Variants in CCBE1 observed in about 807,000 individuals in gnomAD.
CCBE1 encodes collagen and calcium binding EGF domains 1.
In CCBE1, 37 loss-of-function variants were observed where a neutral mutation model predicts 50.0. That is an observed-to-expected ratio of 0.74 (90% CI 0.57 to 0.97). The LOEUF (loss-of-function observed/expected upper bound fraction) is 0.97. Among genes scored for constraint, CCBE1 ranks in the 50% least tolerant of loss-of-function variants. The pLI, the probability that CCBE1 is intolerant of heterozygous loss-of-function variation, is 0.00. For missense variants in CCBE1, 538 were observed against 523.8 expected (o/e 1.03, Z -0.26); for synonymous variants, 234 against 203.7 (o/e 1.15, Z -1.27).
intron 2 of CCBE1, among the ~76,000 whole-genome samples, chr18:59,695,076 A>C (rs1009974238): frequency 1.4e-4 from 22 of 152,220 alleles, no homozygotes; most frequent in Non-Finnish European, 8.8e-5. Context: ...ACAAACAATC[A>C]GGCACCAAAT....
intron 6 of CCBE1, among the ~76,000 whole-genome samples, chr18:59,451,988 T>C (rs1167483931): frequency 1.3e-5 from 2 of 152,148 alleles, no homozygotes; most frequent in Non-Finnish European, 1.5e-5. Context: ...AATAATGTAT[T>C]ACCCACCTGT....
chr18:59,615,274 CTT>C (rs2053621812), intron 2 of CCBE1, among the ~76,000 whole-genome samples: 1 of 152,244 alleles, frequency 6.6e-6, no homozygotes, highest in African/African-American at 2.4e-5. Context: ...AGGGTCATCT[CTT>C]AGGATCTGCA....
chr18:59,552,484 C>G (rs1915965525), intron 2 of CCBE1, among the ~76,000 whole-genome samples: 1 of 152,196 alleles, frequency 6.6e-6, no homozygotes, highest in Admixed American at 6.5e-5. Flanking sequence ...TCCCACTAGC[C>G]TACATCTAGG....
intron 2 of CCBE1, among the ~76,000 whole-genome samples, chr18:59,670,688 C>G (rs530901669): frequency 6.6e-6 from 1 of 152,282 alleles, no homozygotes; most frequent in Non-Finnish European, 1.5e-5. Flanking sequence ...TGGCTCACAC[C>G]TGTAATCCCA....
intron 2 of CCBE1, among the ~76,000 whole-genome samples, chr18:59,579,909 A>G (rs138246075): frequency 2.6e-5 from 4 of 152,334 alleles, no homozygotes; most frequent in African/African-American, 9.6e-5. Context: ...GAGCACATGA[A>G]AAAAAAGATG....
chr18:59,679,861 C>T (rs534616568), intron 2 of CCBE1, among the ~76,000 whole-genome samples: 3 of 152,080 alleles, frequency 2.0e-5, no homozygotes, highest in South Asian at 2.1e-4. Context: ...TCTAGAAAGG[C>T]GGGACAACTT....
At chr18:59,601,024 T>G (rs965028437) in intron 2 of CCBE1, among the ~76,000 whole-genome samples, 15 of 81,796 alleles carry the variant, frequency 1.8e-4, no homozygotes, top group Non-Finnish European at 2.2e-4. Flanking sequence ...TTTTTTTTTT[T>G]TTTTTTTTTT....
chr18:59,522,191 G>A (rs1218703538), intron 2 of CCBE1, among the ~76,000 whole-genome samples: 1 of 151,438 alleles, frequency 6.6e-6, no homozygotes, highest in African/African-American at 2.4e-5. Flanking sequence ...TCCTTTAGTG[G>A]ACATTGTTTA....
At chr18:59,659,804 C>A (rs1205105569) in intron 2 of CCBE1, among the ~76,000 whole-genome samples, 2 of 152,164 alleles carry the variant, frequency 1.3e-5, no homozygotes, top group Non-Finnish European at 2.9e-5. Flanking sequence ...CAATGAGCTG[C>A]GTGATCAAAC....
chr18:59,600,762 T>TC (rs1159183872), intron 2 of CCBE1, among the ~76,000 whole-genome samples: 1 of 152,146 alleles, frequency 6.6e-6, no homozygotes, highest in Non-Finnish European at 1.5e-5. Flanking sequence ...TCTCAGCCAC[T>TC]CCCTCTCTTT....
At chr18:59,525,680 G>A (rs868630771) in intron 2 of CCBE1, among the ~76,000 whole-genome samples, 5 of 152,180 alleles carry the variant, frequency 3.3e-5, no homozygotes, top group African/African-American at 9.7e-5. Context: ...CCTATGTCCT[G>A]AATGGTATTG....
intron 2 of CCBE1, among the ~76,000 whole-genome samples, chr18:59,692,806 C>T (rs1029765397): frequency 5.3e-5 from 8 of 152,132 alleles, no homozygotes; most frequent in Non-Finnish European, 8.8e-5. Context: ...ACGGGCTGGA[C>T]AGATGAATAC....
At chr18:59,468,554 G>T (rs1311741378) in intron 4 of CCBE1, among the ~76,000 whole-genome samples, 2 of 152,096 alleles carry the variant, frequency 1.3e-5, no homozygotes, top group African/African-American at 4.8e-5. Context: ...TGGCATTGTG[G>T]GGCACCATTC....
chr18:59,644,740 C>T (rs958180917), intron 2 of CCBE1, among the ~76,000 whole-genome samples: 1 of 152,176 alleles, frequency 6.6e-6, no homozygotes, highest in African/African-American at 2.4e-5. Flanking sequence ...GTCACTAACT[C>T]CCAGCTTTTG....
intron 2 of CCBE1, among the ~76,000 whole-genome samples, chr18:59,551,385 T>A (rs1915925378): frequency 6.6e-6 from 1 of 152,200 alleles, no homozygotes; most frequent in South Asian, 2.1e-4. Context: ...AATCTCTGGA[T>A]GGGTGAGTGA....
chr18:59,500,422 G>A (rs1360610497), intron 2 of CCBE1, among the ~76,000 whole-genome samples: 8 of 152,200 alleles, frequency 5.3e-5, no homozygotes, highest in Non-Finnish European at 1.0e-4. Context: ...GCTTGTTGGT[G>A]TCTTTCTGCT....
At chr18:59,527,133 A>G (rs922943068) in intron 2 of CCBE1, among the ~76,000 whole-genome samples, 13 of 152,180 alleles carry the variant, frequency 8.5e-5, no homozygotes, top group African/African-American at 2.9e-4. Flanking sequence ...GTGTGGAAGT[A>G]TAAGTCTCCT....
chr18:59,662,482 G>A (rs1225553422), intron 2 of CCBE1, among the ~76,000 whole-genome samples: 4 of 152,180 alleles, frequency 2.6e-5, no homozygotes, highest in Admixed American at 2.6e-4. Context: ...CTCAATGCCA[G>A]CACCATGGTA....
At chr18:59,473,785 C>G (rs113953810) in intron 3 of CCBE1, among the ~76,000 whole-genome samples, 2 of 37,730 alleles carry the variant, frequency 5.3e-5, no homozygotes, top group African/African-American at 1.1e-4. Context: ...ATTTCCTCCC[C>G]ACTACTCATC....
Sources: gnomAD v4.1 joint callset for allele counts (sites outside exome capture counted in the v4.1 genomes callset) on GRCh38, gnomAD v4.1.1 for gene constraint, MANE v1.5 for transcripts, NCBI Gene and HGNC (gene_info 2026-07-23, HGNC 2026-07-21) for gene names.